Variants in SCRG1 observed in about 807,000 individuals in gnomAD.
The protein encoded by SCRG1 is scrapie-responsive protein 1.
A neutral mutation model predicts 7.7 loss-of-function variants in SCRG1; 3 were observed. The observed-to-expected ratio is 0.39, with a 90% CI of 0.18 to 1.01. SCRG1 has a LOEUF of 1.01. Among genes scored for constraint, SCRG1 ranks in the 50% least tolerant of loss-of-function variants. SCRG1 has a pLI of 0.36. For missense variants in SCRG1, 110 were observed against 117.2 expected (o/e 0.94, Z 0.28); for synonymous variants, 46 against 41.2 (o/e 1.12, Z -0.44).
At chr4:173,454,140 G>A in the SCRG1 span, among the ~76,000 whole-genome samples, 1 of 151,774 alleles carries the variant, frequency 6.6e-6, no homozygotes, top group Non-Finnish European at 1.5e-5. Flanking sequence ...AGCTGGGCCA[G>A]GGAAGGGAGA....
chr4:173,399,256 G>C (rs573601458), upstream of SCRG1: 9 of 152,344 alleles, frequency 5.9e-5, no homozygotes, highest in Admixed American at 5.2e-4. Context: ...GTGGGGAGGA[G>C]GGGAGTGGAA....
At chr4:173,486,545 T>G in the SCRG1 span, among the ~76,000 whole-genome samples, 1 of 152,194 alleles carries the variant, frequency 6.6e-6, no homozygotes, top group Non-Finnish European at 1.5e-5. Flanking sequence ...TAGATCAGCT[T>G]TTGCATTTAA....
chr4:173,509,485 C>G, the SCRG1 span, among the ~76,000 whole-genome samples: 1 of 152,190 alleles, frequency 6.6e-6, no homozygotes, highest in Admixed American at 6.5e-5. The surrounding 1 kb of genome is among the most constrained non-coding windows in gnomAD (Gnocchi z 5.7). Flanking sequence ...CCGGCCTCTG[C>G]CCCCGGCCTC....
At chr4:173,455,416 G>C in the SCRG1 span, among the ~76,000 whole-genome samples, 1 of 152,154 alleles carries the variant, frequency 6.6e-6, no homozygotes, top group African/African-American at 2.4e-5. Flanking sequence ...GAACCCCAAG[G>C]TTCCAGCAGT....
the SCRG1 span, among the ~76,000 whole-genome samples, chr4:173,448,118 C>A: frequency 6.6e-6 from 1 of 152,144 alleles, no homozygotes; most frequent in Non-Finnish European, 1.5e-5. Context: ...AACCAACCAA[C>A]CAAACAAACC....
chr4:173,497,082 G>A, the SCRG1 span, among the ~76,000 whole-genome samples: 1 of 151,926 alleles, frequency 6.6e-6, no homozygotes, highest in East Asian at 1.9e-4. Flanking sequence ...CTCCAGCCTG[G>A]GCAACAGAGT....
the SCRG1 span, among the ~76,000 whole-genome samples, chr4:173,491,325 C>T: frequency 6.6e-6 from 1 of 150,986 alleles, no homozygotes; most frequent in Non-Finnish European, 1.5e-5. Flanking sequence ...AGTCACTTCT[C>T]TGTATCGTTG....
the SCRG1 span, among the ~76,000 whole-genome samples, chr4:173,414,492 C>G: frequency 6.6e-6 from 1 of 152,124 alleles, no homozygotes. Flanking sequence ...CTTGGTGAGG[C>G]CACATGGTGA....
chr4:173,441,000 T>A, the SCRG1 span, among the ~76,000 whole-genome samples: 1 of 152,098 alleles, frequency 6.6e-6, no homozygotes, highest in African/African-American at 2.4e-5. Flanking sequence ...CTGAAAGTAC[T>A]CATTTCCAAA....
chr4:173,402,543 T>C (rs866417269), upstream of SCRG1, among the ~76,000 whole-genome samples: 14 of 152,060 alleles, frequency 9.2e-5, no homozygotes, highest in Middle Eastern at 0.01. Flanking sequence ...TCTGAAGAGA[T>C]GTCTCAGATA....
chr4:173,460,405 C>T, the SCRG1 span, among the ~76,000 whole-genome samples: 1 of 152,196 alleles, frequency 6.6e-6, no homozygotes, highest in Non-Finnish European at 1.5e-5. Flanking sequence ...CAAAAGAGAC[C>T]TTCTCCTTTC....
rs1228028160 is a variant in SCRG1 at position 173,386,390 on chromosome 4, A to C, written c.*1951T>G. ...GTCTTGATCTCCTGACCTCGTGATA[A>C]GCCCGCCTCCGCCTCCCAAAGTGCT... On this transcript the variant is annotated 3_prime_UTR_variant, in exon 3 of 3. Coordinates refer to ENST00000296506, the MANE Select transcript of SCRG1 (RefSeq NM_007281.4). The C allele has an allele frequency of 2.0e-5, 3 of 151,038 alleles. No individual in the cohort carries two copies. Among genetic ancestry groups the C allele is most frequent in the Admixed American group, 6.6e-5 (1 of 15,106 alleles). 9.4% of individuals were successfully genotyped at this position (151,038 alleles called of 1,614,324 possible).
chr4:173,398,609 A>G (rs1162407966), intron 1 of SCRG1, among the ~76,000 whole-genome samples: 1 of 152,218 alleles, frequency 6.6e-6, no homozygotes, highest in Non-Finnish European at 1.5e-5. Context: ...CTTTTCAGAA[A>G]TCAGGATTTT....
the SCRG1 span, among the ~76,000 whole-genome samples, chr4:173,493,780 A>G: frequency 3.3e-5 from 5 of 152,114 alleles, no homozygotes; most frequent in Non-Finnish European, 7.3e-5. Context: ...ACTTTTATTG[A>G]ATTCATCTTA....
the SCRG1 span, among the ~76,000 whole-genome samples, chr4:173,514,813 A>G: frequency 6.6e-6 from 1 of 152,366 alleles, no homozygotes; most frequent in South Asian, 2.1e-4. Context: ...GTCCCAGCTA[A>G]TAAACAACTT....
At chr4:173,419,396 C>T in the SCRG1 span, 9 of 1,218,864 alleles carry the variant, frequency 7.4e-6, no homozygotes, top group Admixed American at 3.7e-5. Flanking sequence ...TGGATTCTCT[C>T]GTACAGCAGC....
At chr4:173,426,708 G>A in the SCRG1 span, among the ~76,000 whole-genome samples, 1 of 152,158 alleles carries the variant, frequency 6.6e-6, no homozygotes, top group Non-Finnish European at 1.5e-5. Context: ...GGCTCAAGCA[G>A]TCCTTCTGCC....
the SCRG1 span, among the ~76,000 whole-genome samples, chr4:173,412,113 T>C: frequency 6.6e-6 from 1 of 152,196 alleles, no homozygotes; most frequent in South Asian, 2.1e-4. Flanking sequence ...TCTTATATCA[T>C]GCTGCCCTGT....
chr4:173,429,776 A>G, the SCRG1 span, among the ~76,000 whole-genome samples: 4 of 152,356 alleles, frequency 2.6e-5, no homozygotes, highest in African/African-American at 9.6e-5. Context: ...AAACCAGTCC[A>G]CTTCCAGAAG....
Sources: gnomAD v4.1 joint callset for allele counts (sites outside exome capture counted in the v4.1 genomes callset) on GRCh38, gnomAD v4.1.1 for gene constraint, Gnocchi (gnomAD v3.1) non-coding constraint, MANE v1.5 for transcripts, NCBI Gene and HGNC (gene_info 2026-07-23, HGNC 2026-07-21) for gene names.